The following TAS2R1 variants were observed in gnomAD, a reference collection of about 807,000 sequenced individuals.
TAS2R1 encodes taste receptor type 2 member 1.
For synonymous variants in TAS2R1, 141 were observed against 134.2 expected, an observed-to-expected ratio of 1.05 and a Z score of -0.35; for missense variants, 370 against 353.4, an observed-to-expected ratio of 1.05 and a Z score of -0.38.
chr5:9,826,053 T>C, the TAS2R1 span, among the ~76,000 whole-genome samples: 1 of 152,226 alleles, frequency 6.6e-6, no homozygotes, highest in East Asian at 1.9e-4. Flanking sequence ...AAAGAAACGG[T>C]AATTTTTATA....
At chr5:9,883,734 C>T in the TAS2R1 span, among the ~76,000 whole-genome samples, 1 of 152,022 alleles carries the variant, frequency 6.6e-6, no homozygotes, top group East Asian at 1.9e-4. Flanking sequence ...TGGTTGGGCT[C>T]ACACATGCAT....
intron 1 of TAS2R1, among the ~76,000 whole-genome samples, chr5:9,702,628 C>A (rs970571602): frequency 2.0e-5 from 3 of 152,154 alleles, no homozygotes; most frequent in Non-Finnish European, 2.9e-5. Context: ...CAAGCAAATA[C>A]GTTTGAGGTT....
the TAS2R1 span, among the ~76,000 whole-genome samples, chr5:9,833,002 C>T: frequency 6.6e-6 from 1 of 152,082 alleles, no homozygotes. Flanking sequence ...TCAGGTAAGG[C>T]GGGACGACAA....
the TAS2R1 span, among the ~76,000 whole-genome samples, chr5:9,725,337 CGCGCGGAGCTTGTG>C: frequency 6.6e-6 from 1 of 152,186 alleles, no homozygotes; most frequent in African/African-American, 2.4e-5. Flanking sequence ...ACCGGGGCTG[CGCGCGGAGCTTGTG>C]GGCCAGTGGG....
the TAS2R1 span, among the ~76,000 whole-genome samples, chr5:9,839,929 C>A: frequency 6.6e-6 from 1 of 152,150 alleles, no homozygotes; most frequent in Admixed American, 6.5e-5. Flanking sequence ...CTTCTAGCCC[C>A]TTTGCAGGCC....
the TAS2R1 span, among the ~76,000 whole-genome samples, chr5:9,884,924 T>C: frequency 6.6e-6 from 1 of 152,252 alleles, no homozygotes; most frequent in Non-Finnish European, 1.5e-5. Flanking sequence ...CTTTCTAAAT[T>C]GACATTCACT....
the TAS2R1 span, among the ~76,000 whole-genome samples, chr5:9,810,986 C>T: frequency 2.0e-5 from 3 of 152,296 alleles, no homozygotes; most frequent in South Asian, 2.1e-4. Context: ...TATCGCATGA[C>T]CTCACGTGGA....
the TAS2R1 span, among the ~76,000 whole-genome samples, chr5:9,861,838 T>C: frequency 6.6e-6 from 1 of 152,172 alleles, no homozygotes; most frequent in Non-Finnish European, 1.5e-5. Flanking sequence ...CAGCTCAGCC[T>C]GAAGCATTGC....
chr5:9,863,189 T>A, the TAS2R1 span: 2 of 151,958 alleles, frequency 1.3e-5, no homozygotes, highest in African/African-American at 2.4e-5. Context: ...TCACCACCTA[T>A]CAAGATTCTG....
intron 1 of TAS2R1, among the ~76,000 whole-genome samples, chr5:9,704,940 C>T (rs540359907): frequency 1.2e-4 from 18 of 152,312 alleles, no homozygotes; most frequent in Non-Finnish European, 2.4e-4. Flanking sequence ...GGTGTAGGTG[C>T]ACAAATGAGC....
At chr5:9,725,895 GAC>G in the TAS2R1 span, among the ~76,000 whole-genome samples, 1 of 150,360 alleles carries the variant, frequency 6.7e-6, no homozygotes, top group African/African-American at 2.5e-5. Flanking sequence ...TGCACCAGTG[GAC>G]ACTCTGTATC....
chr5:9,796,724 AAAAAAAAAAAAAAAAG>A, the TAS2R1 span, among the ~76,000 whole-genome samples: 2 of 83,998 alleles, frequency 2.4e-5, no homozygotes, highest in African/African-American at 7.0e-5. Flanking sequence ...TTTTCTGGAA[AAAAAAAAAAAAAAAAG>A]AAAAGAAAAA....
the TAS2R1 span, among the ~76,000 whole-genome samples, chr5:9,815,404 G>A: frequency 6.6e-6 from 1 of 152,194 alleles, no homozygotes; most frequent in Non-Finnish European, 1.5e-5. Flanking sequence ...ACAAGTCAAT[G>A]TGTGTTTATA....
At chr5:9,835,262 G>A in the TAS2R1 span, among the ~76,000 whole-genome samples, 1 of 152,230 alleles carries the variant, frequency 6.6e-6, no homozygotes, top group Non-Finnish European at 1.5e-5. Flanking sequence ...GAGAACAGCA[G>A]AGCCAGGGCC....
chr5:9,631,195 A>G (rs1030192012), upstream of TAS2R1, among the ~76,000 whole-genome samples: 4 of 152,184 alleles, frequency 2.6e-5, no homozygotes, highest in African/African-American at 9.7e-5. Context: ...TTATCCCAAG[A>G]CTAAAGGCAG....
intron 2 of TAS2R1, among the ~76,000 whole-genome samples, chr5:9,640,423 G>A (rs1326213179): frequency 1.5e-5 from 2 of 134,204 alleles, no homozygotes; most frequent in African/African-American, 5.7e-5. Flanking sequence ...GAGACATGAA[G>A]AGAGCACAAG....
the TAS2R1 span, among the ~76,000 whole-genome samples, chr5:9,757,851 G>A: frequency 6.6e-6 from 1 of 152,002 alleles, no homozygotes; most frequent in African/African-American, 2.4e-5. Flanking sequence ...AAACTCTGTA[G>A]GAGTATTATT....
chr5:9,802,889 C>T, the TAS2R1 span, among the ~76,000 whole-genome samples: 5 of 152,020 alleles, frequency 3.3e-5, no homozygotes, highest in African/African-American at 9.6e-5. Context: ...GGCAACACAG[C>T]GAGACTCCGT....
At chr5:9,839,598 A>T in the TAS2R1 span, among the ~76,000 whole-genome samples, 1 of 152,236 alleles carries the variant, frequency 6.6e-6, no homozygotes, top group Non-Finnish European at 1.5e-5. Context: ...GAGGAATCCA[A>T]TAAGTACAAA....
Sources: gnomAD v4.1 joint callset for allele counts (sites outside exome capture counted in the v4.1 genomes callset) on GRCh38, gnomAD v4.1.1 for gene constraint, MANE v1.5 for transcripts, NCBI Gene and HGNC (gene_info 2026-07-23, HGNC 2026-07-21) for gene names.